Variants in GRM5 observed in about 807,000 individuals in gnomAD.
GRM5 encodes glutamate metabotropic receptor 5.
A neutral mutation model predicts 83.1 loss-of-function variants in GRM5; 19 were observed. That is an observed-to-expected ratio of 0.23 (90% CI 0.16 to 0.34). GRM5 has a LOEUF of 0.34. Among genes scored for constraint, GRM5 ranks in the 10% least tolerant of loss-of-function variants. The probability of loss-of-function intolerance (pLI) is 1.00; values close to 1 mark genes in which losing one functional copy is unlikely to be tolerated. For missense variants in GRM5, 1,160 were observed against 1,588.3 expected, an observed-to-expected ratio of 0.73 and a Z score of 4.58; for synonymous variants, 675 against 633.6, an observed-to-expected ratio of 1.07 and a Z score of -0.98.
intron 2 of GRM5, among the ~76,000 whole-genome samples, chr11:89,015,941 T>C (rs1450555967): frequency 1.3e-5 from 2 of 152,164 alleles, no homozygotes; most frequent in Non-Finnish European, 2.9e-5. Context: ...AGGCATGATA[T>C]ATTTGCCACT....
intron 2 of GRM5, among the ~76,000 whole-genome samples, chr11:88,927,596 G>A (rs1387960785): frequency 6.6e-6 from 1 of 152,018 alleles, no homozygotes; most frequent in Non-Finnish European, 1.5e-5. Flanking sequence ...TTTGTCTCTT[G>A]GCAACCAGAA....
In GRM5 at chr11:88,516,096, G is replaced by A. The variant is rs145859745; in HGVS notation, c.2727-6592C>T. On this transcript the variant is annotated intron_variant, in intron 9 of 9. Coordinates refer to ENST00000305447, the MANE Select transcript of GRM5 (RefSeq NM_001143831.3). Reference sequence around the variant, plus strand: ...AACCTAGAGCATTGCAAGGGCAGATGCTACATGTATCTCCTGTGCTTAATA... The same window carrying A: ...AACCTAGAGCATTGCAAGGGCAGATACTACATGTATCTCCTGTGCTTAATA... 7.0e-3 allele frequency among the ~76,000 whole-genome samples: 1,071 copies of A among 152,322 alleles called. 14 individuals carry two copies. Among genetic ancestry groups the A allele is most frequent in the African/African-American group, 0.024 (1,013 of 41,562 alleles).
At chr11:88,984,592 A>G in intron 2 of GRM5, 1 of 455,634 alleles carries the variant, frequency 2.2e-6, no homozygotes, top group Non-Finnish European at 4.0e-6. Flanking sequence ...TATTATCTTA[A>G]CTCTGAGAAT....
intron 3 of GRM5, among the ~76,000 whole-genome samples, chr11:88,746,460 C>A (rs1942144419): frequency 6.6e-6 from 1 of 151,818 alleles, no homozygotes; most frequent in South Asian, 2.1e-4. Context: ...GAATTAATCC[C>A]AGATATCATA....
chr11:88,625,722 A>C (rs1938775505), intron 4 of GRM5, among the ~76,000 whole-genome samples: 1 of 152,166 alleles, frequency 6.6e-6, no homozygotes, highest in Non-Finnish European at 1.5e-5. Context: ...AAACCACAAC[A>C]TCATGTAATA....
At chr11:88,883,346 G>A (rs1243042297) in intron 2 of GRM5, among the ~76,000 whole-genome samples, 1 of 152,180 alleles carries the variant, frequency 6.6e-6, no homozygotes, top group Non-Finnish European at 1.5e-5. Flanking sequence ...GGTGATCTCA[G>A]ATGTAGATGA....
chr11:88,875,041 A>G (rs961347134), intron 2 of GRM5, among the ~76,000 whole-genome samples: 23 of 148,300 alleles, frequency 1.6e-4, no homozygotes, highest in African/African-American at 5.2e-4. Context: ...GGCTGTGGCA[A>G]TTTCTTAAAA....
At chr11:88,758,018 A>C (rs1268414268) in intron 3 of GRM5, among the ~76,000 whole-genome samples, 1 of 152,134 alleles carries the variant, frequency 6.6e-6, no homozygotes, top group African/African-American at 2.4e-5. Context: ...CCCAGAAATA[A>C]AGCCAATCAA....
chr11:89,043,757 T>C (rs1406711518), intron 2 of GRM5, among the ~76,000 whole-genome samples: 1 of 152,122 alleles, frequency 6.6e-6, no homozygotes, highest in Non-Finnish European at 1.5e-5. Context: ...AATTATGTGA[T>C]TGCAATTAGC....
rs552570678 is a variant in GRM5, at chr11:88,583,034, A to G, written c.1690+7567T>C. Among the ~76,000 whole-genome samples, 608 of 152,218 alleles carry G rather than the reference A, an allele frequency of 4.0e-3. 6 individuals carry two copies. Among genetic ancestry groups the G allele is most frequent in the African/African-American group, 0.014 (568 of 41,542 alleles). On this transcript the variant is annotated intron_variant, in intron 7 of 9. Transcript: ENST00000305447. ...CAACCTTAAAGGATTAAAAAAGGTA[A>G]TGCTTAAGATAGTTATAATAATTGG... is the stretch of plus-strand genomic sequence containing the variant.
rs112204949 is a variant in GRM5 at position 88,636,416 on chromosome 11, G to A, written c.1147+16752C>T. 4.3e-3 allele frequency among the ~76,000 whole-genome samples: 652 copies of A among 152,172 alleles called. 10 individuals are homozygous for A. The highest frequency in any genetic ancestry group is 0.015 in the African/African-American group (622 of 41,522). On this transcript the variant is annotated intron_variant, in intron 4 of 9. Transcript: ENST00000305447. ...AATCCCAGATACTCAGGAGGCTGAG[G>A]CAGGATAATTGATTGAACCTGAGAG... is the stretch of plus-strand genomic sequence containing the variant.
chr11:88,808,847 GAATT>G (rs1943541498), intron 3 of GRM5, among the ~76,000 whole-genome samples: 1 of 151,844 alleles, frequency 6.6e-6, no homozygotes. Flanking sequence ...CCCTTAACAT[GAATT>G]AATTCTGCTT....
intron 7 of GRM5, among the ~76,000 whole-genome samples, chr11:88,580,715 C>A (rs1468232849): frequency 6.6e-6 from 1 of 152,050 alleles, no homozygotes. Context: ...CTAATCTAAA[C>A]GAAGTTAAAA....
chr11:88,624,765 A>G (rs1414592213), intron 4 of GRM5, among the ~76,000 whole-genome samples: 2 of 152,192 alleles, frequency 1.3e-5, no homozygotes, highest in Non-Finnish European at 2.9e-5. Flanking sequence ...ACAATCAATT[A>G]AAACATATGT....
At chr11:88,842,651 C>A (rs1428796716) in intron 3 of GRM5, among the ~76,000 whole-genome samples, 1 of 152,226 alleles carries the variant, frequency 6.6e-6, no homozygotes, top group Non-Finnish European at 1.5e-5. Context: ...TTCCCATCAA[C>A]ATCTCTGGAT....
intron 1 of GRM5, among the ~76,000 whole-genome samples, chr11:89,059,826 G>A (rs1941950769): frequency 6.6e-6 from 1 of 151,966 alleles, no homozygotes; most frequent in African/African-American, 2.4e-5. Flanking sequence ...GAATGTGCAG[G>A]TTTGTTACAT....
Position 88,875,083 on chromosome 11 carries a change from T to TTG in GRM5, c.662-24929_662-24928insCA, listed in dbSNP as rs1491161469. On this transcript the variant is annotated intron_variant, in intron 2 of 9. Transcript: ENST00000305447. Reference sequence around the variant, plus strand: ...TGAAGTCTGCCACATGAATTGACTGTTTTTTTTTTTTCATGAAAGATTTCT... The same window carrying TTG: ...TGAAGTCTGCCACATGAATTGACTGTTGTTTTTTTTTTTCATGAAAGATTTCT... Among the ~76,000 whole-genome samples the TTG allele has an allele frequency of 4.6e-4, 5 of 10,788 alleles. No homozygotes were observed. In the East Asian group the frequency reaches 0.11, roughly 227 times the overall value. The allele number at this position is 10,788 out of a possible 152,430, so 7.1% of individuals were successfully genotyped here.
At chr11:88,706,453 A>G (rs7930735) in intron 3 of GRM5, among the ~76,000 whole-genome samples, 148,611 of 152,182 alleles carry the variant, frequency 0.98, 72,674 homozygotes, top group East Asian at 1. Flanking sequence ...CAGCAAATAT[A>G]TCTTTTATCT....
intron 3 of GRM5, among the ~76,000 whole-genome samples, chr11:88,833,442 C>A (rs896847007): frequency 5.3e-5 from 8 of 151,862 alleles, no homozygotes; most frequent in African/African-American, 1.9e-4. Flanking sequence ...GGTATCATCA[C>A]CCCAGTTAGA....
Sources: allele counts gnomAD v4.1 joint callset (sites outside exome capture counted in the v4.1 genomes callset), GRCh38; gene constraint gnomAD v4.1.1; transcripts MANE v1.5; gene names NCBI Gene and HGNC (gene_info 2026-07-23, HGNC 2026-07-21).